SLC26A5: variants seen among roughly 807,000 people sequenced by gnomAD.
The protein encoded by SLC26A5 is solute carrier family 26 member 5, also known as prestin.
In SLC26A5, 51 loss-of-function variants were observed where a neutral mutation model predicts 81.0. That is an observed-to-expected ratio of 0.63 (90% CI 0.50 to 0.80). SLC26A5 has a LOEUF of 0.80. Ranked by LOEUF, SLC26A5 falls within the 30% of genes least tolerant of loss-of-function variation. The pLI, the probability that SLC26A5 is intolerant of heterozygous loss-of-function variation, is 0.00. For missense variants in SLC26A5, 771 were observed against 905.8 expected, an observed-to-expected ratio of 0.85 and a Z score of 1.91; for synonymous variants, 325 against 332.8, an observed-to-expected ratio of 0.98 and a Z score of 0.25.
At chr7:103,376,288 C>G (rs1381173694) in intron 19 of SLC26A5, among the ~76,000 whole-genome samples, 1 of 151,608 alleles carries the variant, frequency 6.6e-6, no homozygotes, top group Non-Finnish European at 1.5e-5. Context: ...GTTGCCCAGG[C>G]TGGTCTTGAA....
rs767092398 is a variant in SLC26A5 at position 103,364,259 on chromosome 7, C to T, written c.2042-11333G>A. On this transcript the variant is annotated intron_variant, in intron 19 of 19. Transcript: ENST00000339444. ...CAGTTGCTAATCGGACTGATGCGTGCTTCATTCGAGTTATTGGATCTGAGC... is the reference window on the plus strand; with the variant it reads ...CAGTTGCTAATCGGACTGATGCGTGTTTCATTCGAGTTATTGGATCTGAGC... 7 of 1,614,050 alleles carry T rather than the reference C, an allele frequency of 4.3e-6. No homozygotes were observed. The South Asian group carries it at 7.7e-5, about 18-fold the overall frequency.
chr7:103,405,917 C>A (rs1490820584), intron 8 of SLC26A5, among the ~76,000 whole-genome samples: 1 of 152,204 alleles, frequency 6.6e-6, no homozygotes, highest in African/African-American at 2.4e-5. Context: ...GCTACAGCAG[C>A]TTTGCTGAGC....
intron 12 of SLC26A5, 71 bp from the exon 13 acceptor site, chr7:103,389,495 T>C: frequency 8.9e-7 from 1 of 1,118,594 alleles, no homozygotes; most frequent in South Asian, 1.2e-5. Context: ...TTCCTCACTG[T>C]CCTCCTGCTG....
At chr7:103,416,896 C>G (rs750350432) in intron 4 of SLC26A5, among the ~76,000 whole-genome samples, 46 of 151,976 alleles carry the variant, frequency 3.0e-4, no homozygotes, top group South Asian at 6.2e-4. Flanking sequence ...AATTATTTAC[C>G]AATCACAACA....
Position 103,391,625 on chromosome 7 carries a change from T to G in SLC26A5, c.1230A>C (p.Thr410=). Residue 410 remains threonine, a synonymous_variant, in exon 11 of 20, where the codon ACA becomes ACC. Transcript: ENST00000306312. The part of the protein sequence containing the change: ...SLVQEGTGGK[T]QLAGCLASLM... ...TAGAGGCCTGTTATGTACATACCTG[T>G]GTCTTCCCACCGGTTCCCTCCTGAA... The G allele has an allele frequency of 6.2e-7, 1 of 1,613,624 alleles. No individual in the cohort carries two copies. The highest frequency in any genetic ancestry group is 8.5e-7 in the Non-Finnish European group (1 of 1,179,536).
downstream of SLC26A5, among the ~76,000 whole-genome samples, chr7:103,370,384 C>G (rs1199792787): frequency 6.6e-6 from 1 of 151,768 alleles, no homozygotes; most frequent in Non-Finnish European, 1.5e-5. Flanking sequence ...AGGGCACACC[C>G]CCACCCCCCC....
chr7:103,403,423 C>G (rs1190186844), intron 8 of SLC26A5, among the ~76,000 whole-genome samples: 1 of 152,098 alleles, frequency 6.6e-6, no homozygotes, highest in South Asian at 2.1e-4. Context: ...CCTGAATATG[C>G]TTGCTAATTT....
intron 2 of SLC26A5, among the ~76,000 whole-genome samples, chr7:103,428,928 G>GTA (rs1825882917): frequency 6.6e-6 from 1 of 152,148 alleles, no homozygotes; most frequent in South Asian, 2.1e-4. Context: ...ATGCTGTACT[G>GTA]TAGATCTCTA....
intron 4 of SLC26A5, among the ~76,000 whole-genome samples, chr7:103,418,755 G>A (rs1371367170): frequency 6.6e-6 from 1 of 152,132 alleles, no homozygotes; most frequent in Non-Finnish European, 1.5e-5. Flanking sequence ...ACCTACAGCT[G>A]TTCAAGCCAT....
intron 2 of SLC26A5, among the ~76,000 whole-genome samples, chr7:103,437,987 C>A (rs968734859): frequency 3.5e-4 from 53 of 152,218 alleles, no homozygotes; most frequent in African/African-American, 1.2e-3. Context: ...CTTCCAAACT[C>A]ATGTTCTATA....
intron 15 of SLC26A5, 57 bp from the exon 16 acceptor site, chr7:103,379,392 G>A (rs1821608591): frequency 8.7e-7 from 1 of 1,152,934 alleles, no homozygotes; most frequent in Non-Finnish European, 1.3e-6. Flanking sequence ...AATCAAAACT[G>A]CATAGCTTCC....
At chr7:103,442,426 C>T (rs776886208) in intron 2 of SLC26A5, among the ~76,000 whole-genome samples, 15 of 152,188 alleles carry the variant, frequency 9.9e-5, no homozygotes, top group Non-Finnish European at 1.5e-4. Flanking sequence ...GTGTGAGCCA[C>T]TGAGCCTGGC....
intron 9 of SLC26A5, among the ~76,000 whole-genome samples, chr7:103,394,982 C>T (rs766537878): frequency 1.3e-5 from 2 of 152,216 alleles, no homozygotes; most frequent in Non-Finnish European, 2.9e-5. Context: ...CTAGCCCTCA[C>T]CTGTTCCAGT....
intron 19 of SLC26A5, among the ~76,000 whole-genome samples, chr7:103,366,547 G>C (rs1357761908): frequency 6.6e-6 from 1 of 152,104 alleles, no homozygotes; most frequent in Non-Finnish European, 1.5e-5. Flanking sequence ...TTGTCATGTT[G>C]GTGCTCAAAC....
chr7:103,439,321 C>A (rs750909514), intron 2 of SLC26A5, among the ~76,000 whole-genome samples: 1 of 152,170 alleles, frequency 6.6e-6, no homozygotes, highest in African/African-American at 2.4e-5. Flanking sequence ...AGAAAGAGAA[C>A]ACAGGCTGCT....
intron 5 of SLC26A5, among the ~76,000 whole-genome samples, chr7:103,412,113 C>T (rs1824532432): frequency 6.6e-6 from 1 of 152,152 alleles, no homozygotes; most frequent in Admixed American, 6.5e-5. Context: ...CCCAGACCAG[C>T]CCTTCCCAAG....
At chr7:103,402,945 A>T (rs1421634647) in intron 8 of SLC26A5, among the ~76,000 whole-genome samples, 2 of 151,968 alleles carry the variant, frequency 1.3e-5, no homozygotes, top group East Asian at 3.9e-4. Context: ...CTTCCTTCTC[A>T]AGTTATTTTA....
chr7:103,377,864 A>G, intron 17 of SLC26A5, 65 bp from the exon 18 acceptor site: 1 of 1,488,686 alleles, frequency 6.7e-7, no homozygotes, highest in Non-Finnish European at 9.3e-7. Context: ...TGTGAGAAAG[A>G]TTTATAATGG....
chr7:103,401,108 G>A (rs1448959531), intron 8 of SLC26A5, among the ~76,000 whole-genome samples: 1 of 152,148 alleles, frequency 6.6e-6, no homozygotes, highest in Non-Finnish European at 1.5e-5. Context: ...AAAGTCAGTG[G>A]TAGCTTGATG....
Sources: gnomAD v4.1 joint callset for allele counts (sites outside exome capture counted in the v4.1 genomes callset) on GRCh38, gnomAD v4.1.1 for gene constraint, MANE v1.5 for transcripts, NCBI Gene and HGNC (gene_info 2026-07-23, HGNC 2026-07-21) for gene names.